DCC: variants seen among roughly 807,000 people sequenced by gnomAD.
DCC encodes the protein DCC netrin 1 receptor.
DCC carries 58 observed loss-of-function variants against 172.5 expected under a neutral mutation model. The observed-to-expected ratio is 0.34, with a 90% CI of 0.27 to 0.42. The LOEUF is 0.42. Ranked by LOEUF, DCC falls within the 10% of genes least tolerant of loss-of-function variation. DCC has a pLI of 1.00. For synonymous variants in DCC, 709 were observed against 644.5 expected, an observed-to-expected ratio of 1.10 and a Z score of -1.52; for missense variants, 1,740 against 1,791.0, an observed-to-expected ratio of 0.97 and a Z score of 0.51.
intron 1 of DCC, among the ~76,000 whole-genome samples, chr18:52,650,532 T>C (rs1427482784): frequency 3.3e-5 from 5 of 152,194 alleles, no homozygotes; most frequent in Non-Finnish European, 7.3e-5. Flanking sequence ...TCTGTTTTTT[T>C]TGTCTGTTTG....
chr18:53,319,868 T>TC (rs371165808), intron 13 of DCC, among the ~76,000 whole-genome samples: 16 of 151,468 alleles, frequency 1.1e-4, no homozygotes, highest in African/African-American at 3.9e-4. Context: ...CATATGGACT[T>TC]ATTCCCATCG....
intron 7 of DCC, among the ~76,000 whole-genome samples, chr18:53,090,832 AC>A: frequency 6.6e-6 from 1 of 151,068 alleles, no homozygotes; most frequent in African/African-American, 2.4e-5. Flanking sequence ...ATGTCTTAGG[AC>A]GTAGGACAAT....
chr18:52,805,268 C>A (rs1056245417), intron 2 of DCC, among the ~76,000 whole-genome samples: 2 of 152,146 alleles, frequency 1.3e-5, no homozygotes, highest in Non-Finnish European at 2.9e-5. Context: ...CTTACATAAC[C>A]AAGTGAGGTG....
At chr18:53,349,459 T>C (rs2057762584) in intron 15 of DCC, among the ~76,000 whole-genome samples, 1 of 152,204 alleles carries the variant, frequency 6.6e-6, no homozygotes. Context: ...GTTACCCAGT[T>C]CCGAAGTCAC....
chr18:53,334,069 G>T (rs750266635), intron 14 of DCC, among the ~76,000 whole-genome samples: 5 of 152,074 alleles, frequency 3.3e-5, no homozygotes, highest in Non-Finnish European at 5.9e-5. Flanking sequence ...CTACTCTATA[G>T]CTCTGTTAAC....
chr18:53,499,125 G>A (rs940759675), intron 26 of DCC, among the ~76,000 whole-genome samples, 173 bp from the exon 27 acceptor site: 9 of 152,140 alleles, frequency 5.9e-5, no homozygotes, highest in African/African-American at 9.7e-5. Flanking sequence ...GGGAAGTGCT[G>A]TCATGTTCCG....
chr18:52,833,468 TTGAG>T (rs1231382170), intron 2 of DCC, among the ~76,000 whole-genome samples: 46 of 152,120 alleles, frequency 3.0e-4, no homozygotes, highest in African/African-American at 9.9e-4. Flanking sequence ...CCCAATGACA[TTGAG>T]TATTTTTTTT....
intron 5 of DCC, among the ~76,000 whole-genome samples, chr18:53,026,968 C>T (rs564814004): frequency 6.6e-6 from 1 of 152,190 alleles, no homozygotes; most frequent in South Asian, 2.1e-4. Flanking sequence ...GAATTTGTCT[C>T]ATCTTTCTCA....
At chr18:53,151,078 C>T (rs555647087) in intron 7 of DCC, among the ~76,000 whole-genome samples, 3 of 152,186 alleles carry the variant, frequency 2.0e-5, no homozygotes, top group Non-Finnish European at 2.9e-5. Flanking sequence ...CAGCTTCTCA[C>T]CCAGTGCCTT....
At chr18:52,531,548 T>C (rs2032151244) in intron 1 of DCC, among the ~76,000 whole-genome samples, 1 of 152,246 alleles carries the variant, frequency 6.6e-6, no homozygotes, top group Admixed American at 6.5e-5. Flanking sequence ...GTTTACTATT[T>C]CATACTATCT....
chr18:52,663,345 GGAA>G (rs2035399611), intron 1 of DCC, among the ~76,000 whole-genome samples: 1 of 152,106 alleles, frequency 6.6e-6, no homozygotes, highest in African/African-American at 2.4e-5. Context: ...AGAGGCAAAG[GGAA>G]GTTCTCAGGT....
chr18:52,907,398 T>C (rs1166371394), intron 3 of DCC, among the ~76,000 whole-genome samples: 1 of 147,630 alleles, frequency 6.8e-6, no homozygotes, highest in East Asian at 1.9e-4. Flanking sequence ...ATGTCATGTA[T>C]ATATACATCA....
At chr18:52,691,800 A>T (rs760518248) in intron 1 of DCC, among the ~76,000 whole-genome samples, 3 of 152,108 alleles carry the variant, frequency 2.0e-5, no homozygotes, top group Non-Finnish European at 4.4e-5. Context: ...CCATGCTTCC[A>T]TTATTGATCA....
At chr18:52,975,278 T>C (rs1234906328) in intron 5 of DCC, among the ~76,000 whole-genome samples, 1 of 152,216 alleles carries the variant, frequency 6.6e-6, no homozygotes, top group African/African-American at 2.4e-5. Flanking sequence ...TCACTGTGTC[T>C]TCACAGGGAA....
chr18:53,046,861 TAAAGA>T (rs1030212326), intron 5 of DCC, among the ~76,000 whole-genome samples: 6 of 151,876 alleles, frequency 4.0e-5, no homozygotes, highest in Non-Finnish European at 8.8e-5. Flanking sequence ...TGACTTACTC[TAAAGA>T]GTCCGTGACT....
intron 1 of DCC, among the ~76,000 whole-genome samples, chr18:52,464,172 T>C (rs1310364210): frequency 6.6e-6 from 1 of 152,240 alleles, no homozygotes; most frequent in East Asian, 1.9e-4. Flanking sequence ...AGTTGTTTTA[T>C]CTTCAAATAG....
chr18:52,776,234 A>T (rs1483745080), intron 2 of DCC, among the ~76,000 whole-genome samples: 1 of 152,232 alleles, frequency 6.6e-6, no homozygotes, highest in Non-Finnish European at 1.5e-5. Flanking sequence ...GTACTCTTAG[A>T]GGAAATTGAT....
chr18:52,849,025 CTAT>C (rs1268873641), intron 2 of DCC, among the ~76,000 whole-genome samples: 6 of 152,116 alleles, frequency 3.9e-5, no homozygotes, highest in African/African-American at 1.4e-4. Flanking sequence ...GCCTGAAACA[CTAT>C]TATTGTATTT....
chr18:53,025,993 A>G (rs1192991614), intron 5 of DCC, among the ~76,000 whole-genome samples: 10 of 152,218 alleles, frequency 6.6e-5, no homozygotes, highest in Non-Finnish European at 1.5e-4. Flanking sequence ...CCTGTGAAGG[A>G]ATAGCTTTTT....
Sources: gnomAD v4.1 joint callset for allele counts (sites outside exome capture counted in the v4.1 genomes callset) on GRCh38, gnomAD v4.1.1 for gene constraint, MANE v1.5 for transcripts, NCBI Gene and HGNC (gene_info 2026-07-23, HGNC 2026-07-21) for gene names.